BLOC1S3: variants seen among roughly 807,000 people sequenced by gnomAD.
BLOC1S3 encodes the protein biogenesis of lysosomal organelles complex 1 subunit 3.
In BLOC1S3, 7 loss-of-function variants were observed where a neutral mutation model predicts 9.1. The ratio of observed to expected loss-of-function variants is 0.77; its 90% CI spans 0.44 to 1.45. BLOC1S3 has a LOEUF of 1.45. Ranked by LOEUF, BLOC1S3 falls within the 40% of genes most tolerant of loss-of-function variation. The pLI is 0.01. For missense variants in BLOC1S3, 307 were observed against 315.2 expected (o/e 0.97, Z 0.20); for synonymous variants, 145 against 158.4 (o/e 0.92, Z 0.64).
chr19:45,189,927 T>C (rs1969592792), intron 2 of BLOC1S3, among the ~76,000 whole-genome samples: 1 of 152,150 alleles, frequency 6.6e-6, no homozygotes, highest in African/African-American at 2.4e-5. Context: ...ATTTTCTAGA[T>C]TTTGTAGGTA....
At chr19:45,200,030 T>A (rs1969678302) in intron 2 of BLOC1S3, among the ~76,000 whole-genome samples, 1 of 152,144 alleles carries the variant, frequency 6.6e-6, no homozygotes, top group Non-Finnish European at 1.5e-5. Context: ...CCTTTCAAAG[T>A]GCTGGGATTA....
chr19:45,194,805 G>A (rs2122913971), intron 2 of BLOC1S3, among the ~76,000 whole-genome samples: 1 of 152,234 alleles, frequency 6.6e-6, no homozygotes, highest in South Asian at 2.1e-4. Context: ...TGGGGAGGAG[G>A]CAAGGGGTAA....
At chr19:45,213,032 A>C in intron 3 of BLOC1S3, 1 of 1,453,142 alleles carries the variant, frequency 6.9e-7, no homozygotes, top group Non-Finnish European at 9.0e-7. Context: ...TGTCAGCAGC[A>C]TAGATGGGGT....
chr19:45,213,062 G>A (rs1599758576), intron 3 of BLOC1S3: 2 of 1,476,354 alleles, frequency 1.4e-6, no homozygotes, highest in African/African-American at 1.4e-5. Flanking sequence ...CGGCGGTTGG[G>A]TGACCCTCAG....
chr19:45,188,669 T>C (rs766284760), intron 2 of BLOC1S3, among the ~76,000 whole-genome samples: 28 of 150,170 alleles, frequency 1.9e-4, no homozygotes, highest in Non-Finnish European at 4.0e-4. Context: ...GACTCCCTTG[T>C]TCAAGCAATT....
At chr19:45,195,567 C>CTCCTTCCCTCCCTCCCTCCCTCCT (rs1555753744) in intron 2 of BLOC1S3, among the ~76,000 whole-genome samples, 1 of 130,034 alleles carries the variant, frequency 7.7e-6, no homozygotes, top group Non-Finnish European at 1.6e-5. Flanking sequence ...CCTTCCCTCC[C>CTCCTTCCCTCCCTCCCTCCCTCCT]TCCCTCCCTC....
chr19:45,213,402 A>C, intron 3 of BLOC1S3: 1 of 1,603,272 alleles, frequency 6.2e-7, no homozygotes, highest in African/African-American at 1.3e-5. Context: ...CCCCAGCTCT[A>C]GACACACACC....
chr19:45,184,903 CAAAA>C (rs71338752), downstream of BLOC1S3, among the ~76,000 whole-genome samples: 183 of 48,248 alleles, frequency 3.8e-3, no homozygotes, highest in East Asian at 5.0e-3. Context: ...CTGTCTCAAA[CAAAA>C]AAAAAAAAAA....
At chr19:45,205,814 T>C (rs1969722097) in intron 3 of BLOC1S3, among the ~76,000 whole-genome samples, 1 of 152,256 alleles carries the variant, frequency 6.6e-6, no homozygotes, top group South Asian at 2.1e-4. Flanking sequence ...AACAACCCAA[T>C]TATTTAAAAA....
At chr19:45,205,500 A>G (rs2627641) in intron 3 of BLOC1S3, among the ~76,000 whole-genome samples, 40,372 of 152,092 alleles carry the variant, frequency 0.27, 6,420 homozygotes, top group African/African-American at 0.42. Context: ...TCTGTACAAA[A>G]GTTAACTCAA....
intron 3 of BLOC1S3, chr19:45,213,023 G>A (rs1408560834): frequency 3.5e-5 from 50 of 1,433,244 alleles, no homozygotes; most frequent in Non-Finnish European, 4.2e-5. Context: ...AGGTTGGCTT[G>A]TCAGCAGCAT....
At chr19:45,196,361 T>C (rs1237887095) in intron 2 of BLOC1S3, among the ~76,000 whole-genome samples, 1 of 151,076 alleles carries the variant, frequency 6.6e-6, no homozygotes, top group African/African-American at 2.4e-5. Context: ...CTGGGTGACA[T>C]AGCGAGACTC....
chr19:45,194,533 A>T (rs1218889927), intron 2 of BLOC1S3, among the ~76,000 whole-genome samples: 1 of 152,186 alleles, frequency 6.6e-6, no homozygotes, highest in Non-Finnish European at 1.5e-5. Context: ...GTGTGCTTAG[A>T]TAAATTGTTT....
rs1045130441 is a variant in BLOC1S3 at position 45,181,347 on chromosome 19, T to G, written c.*1442T>G. 6.0e-6 allele frequency: 1 copy of G among 167,174 alleles called. No individual in the cohort carries two copies. Among genetic ancestry groups the G allele is most frequent in the Non-Finnish European group, 1.5e-5 (1 of 68,184 alleles). The allele number at this position is 167,174 out of a possible 1,614,324, so 10.4% of individuals were successfully genotyped here. A position where few individuals can be genotyped will look rare whatever the true frequency, so the allele number is the denominator to read the frequency against. On this transcript the variant is annotated 3_prime_UTR_variant, in exon 2 of 2. Transcript: ENST00000433642. ...CTCCCTGGACCAAGGTGGCATTTCCTGCACACCCCTCCAGGCCAAGATGAT... is the reference window on the plus strand; with the variant it reads ...CTCCCTGGACCAAGGTGGCATTTCCGGCACACCCCTCCAGGCCAAGATGAT...
At chr19:45,214,306 T>A (rs1344253762) in intron 3 of BLOC1S3, among the ~76,000 whole-genome samples, 1 of 152,066 alleles carries the variant, frequency 6.6e-6, no homozygotes, top group Non-Finnish European at 1.5e-5. Context: ...TTTTCTGGGG[T>A]TCTGTTTCTC....
At chr19:45,195,913 A>T (rs556662370) in intron 2 of BLOC1S3, among the ~76,000 whole-genome samples, 27 of 152,262 alleles carry the variant, frequency 1.8e-4, no homozygotes, top group African/African-American at 6.0e-4. Flanking sequence ...TCAAGTAGTC[A>T]TATGTCTTGG....
chr19:45,211,987 C>T (rs1460845761), intron 3 of BLOC1S3, among the ~76,000 whole-genome samples: 2 of 152,102 alleles, frequency 1.3e-5, no homozygotes, highest in Admixed American at 6.6e-5. Flanking sequence ...GACTTTCCTG[C>T]GTCAACCCAG....
At position 45,196,509 on chromosome 19, in the gene BLOC1S3, G is replaced by C. The variant is rs1408736321; in HGVS notation, n.181-5897G>C. Among the ~76,000 whole-genome samples, 7 of 152,198 alleles carry C rather than the reference G, an allele frequency of 4.6e-5. No homozygotes were observed. The South Asian group carries it at 1.4e-3, about 32-fold the overall frequency. ...TGAGCCTGCCAAGGAGGAGGTGCTAGGGGAATATTCCTGAGGGAATTTAGG... is the reference window on the plus strand; with the variant it reads ...TGAGCCTGCCAAGGAGGAGGTGCTACGGGAATATTCCTGAGGGAATTTAGG... On this transcript the variant is annotated intron_variant and non_coding_transcript_variant, in intron 2 of 3. Coordinates refer to the BLOC1S3 transcript ENST00000591569.
At position 45,179,389 on chromosome 19, in the gene BLOC1S3, G is replaced by A. The variant is rs373847133; in HGVS notation, c.93G>A (p.Ala31=). 3 of 1,578,788 alleles carry A rather than the reference G, an allele frequency of 1.9e-6. No homozygotes were observed. The highest frequency in any genetic ancestry group is 1.7e-5 in the Admixed American group (1 of 57,840). The change falls in exon 2 of 2, where the codon GCG becomes GCA. Residue 31 remains alanine (A), a synonymous_variant. Coordinates refer to ENST00000433642, the MANE Select transcript of BLOC1S3 (RefSeq NM_212550.5). The surrounding 1 kb of genome is among the most constrained non-coding windows in gnomAD (Gnocchi z 4.6). ...CCGAGACGGATTCCGAGCGCTCTGC[G>A]TCCTCGTCGGAGGAGGAGGAGCTGT... ...EATETDSERS[A]SSSEEEELYL...
Sources: allele counts gnomAD v4.1 joint callset (sites outside exome capture counted in the v4.1 genomes callset), GRCh38; gene constraint gnomAD v4.1.1; non-coding constraint Gnocchi (gnomAD v3.1); transcripts MANE v1.5; gene names NCBI Gene and HGNC (gene_info 2026-07-23, HGNC 2026-07-21).